Variants in INPP4B observed in about 807,000 individuals in gnomAD.
INPP4B encodes the protein inositol polyphosphate 4-phosphatase type II.
A neutral mutation model predicts 122.5 loss-of-function variants in INPP4B; 55 were observed. The ratio of observed to expected loss-of-function variants is 0.45; its 90% CI spans 0.36 to 0.56. The LOEUF (loss-of-function observed/expected upper bound fraction) is 0.56, where lower values mean the gene tolerates loss of function less well. Ranked by LOEUF, INPP4B falls within the 20% of genes least tolerant of loss-of-function variation. INPP4B has a pLI of 0.00. For missense variants in INPP4B, 1,000 were observed against 1,097.7 expected (o/e 0.91, Z 1.26); for synonymous variants, 403 against 388.7 (o/e 1.04, Z -0.43).
chr4:142,175,799 A>T (rs1827872733), intron 15 of INPP4B, among the ~76,000 whole-genome samples: 1 of 152,154 alleles, frequency 6.6e-6, no homozygotes, highest in South Asian at 2.1e-4. Context: ...AGACTTTAAT[A>T]AATCAAACAG....
chr4:142,663,974 A>T (rs1755626699), intron 2 of INPP4B, among the ~76,000 whole-genome samples: 3 of 152,358 alleles, frequency 2.0e-5, no homozygotes, highest in African/African-American at 7.2e-5. Context: ...GATGACTAAG[A>T]AATGAAATGT....
At chr4:142,324,440 A>G (rs1266223069) in intron 7 of INPP4B, among the ~76,000 whole-genome samples, 2 of 152,084 alleles carry the variant, frequency 1.3e-5, no homozygotes, top group Non-Finnish European at 2.9e-5. Flanking sequence ...TACTTCTTTA[A>G]CATTATACCT....
At chr4:142,699,025 T>C (rs1264743328) in intron 2 of INPP4B, among the ~76,000 whole-genome samples, 1 of 152,162 alleles carries the variant, frequency 6.6e-6, no homozygotes, top group East Asian at 1.9e-4. Context: ...TTGATTCACT[T>C]GACCCTCAGA....
At chr4:142,074,967 A>C (rs185326271) in intron 25 of INPP4B, among the ~76,000 whole-genome samples, 114 of 152,102 alleles carry the variant, frequency 7.5e-4, no homozygotes, top group African/African-American at 2.6e-3. Flanking sequence ...CCTCCTGGCC[A>C]CAGTGATTCT....
chr4:142,544,854 A>G (rs1327101599), intron 2 of INPP4B, among the ~76,000 whole-genome samples: 1 of 152,160 alleles, frequency 6.6e-6, no homozygotes, highest in Non-Finnish European at 1.5e-5. Context: ...GTAGAAAGTG[A>G]CCTTAGAACT....
At chr4:142,078,648 T>C (rs336380) in intron 25 of INPP4B, among the ~76,000 whole-genome samples, 135,943 of 151,918 alleles carry the variant, frequency 0.89, 62,171 homozygotes, top group Non-Finnish European at 0.98. Flanking sequence ...ATTTATATAC[T>C]TTTGCTCATC....
At chr4:142,595,071 G>A (rs769176829) in intron 2 of INPP4B, among the ~76,000 whole-genome samples, 59 of 150,578 alleles carry the variant, frequency 3.9e-4, no homozygotes, top group Non-Finnish European at 6.4e-4. Context: ...CCATTGTTTC[G>A]GTTATTGTCA....
chr4:142,605,204 A>G (rs1022783254), intron 2 of INPP4B, among the ~76,000 whole-genome samples: 6 of 152,106 alleles, frequency 3.9e-5, no homozygotes, highest in Admixed American at 6.6e-5. Flanking sequence ...CTGAATAACC[A>G]TATGCAGAAA....
chr4:142,189,111 A>G (rs926868218), intron 15 of INPP4B, among the ~76,000 whole-genome samples: 4 of 152,176 alleles, frequency 2.6e-5, no homozygotes, highest in Non-Finnish European at 4.4e-5. Context: ...TCCTTACAGT[A>G]GTAAGAAAAC....
At chr4:142,105,277 C>G (rs1786437297) in intron 23 of INPP4B, among the ~76,000 whole-genome samples, 1 of 152,102 alleles carries the variant, frequency 6.6e-6, no homozygotes, top group Admixed American at 6.6e-5. Flanking sequence ...AGCACTAGAC[C>G]ATGCTAAACA....
chr4:142,167,671 T>C (rs527254436), intron 16 of INPP4B, among the ~76,000 whole-genome samples: 93 of 151,894 alleles, frequency 6.1e-4, no homozygotes, highest in African/African-American at 2.2e-3. Context: ...CACTGAACTT[T>C]ATGCCTTTGC....
At chr4:142,063,628 A>G (rs529058034) in intron 25 of INPP4B, among the ~76,000 whole-genome samples, 4 of 152,316 alleles carry the variant, frequency 2.6e-5, no homozygotes, top group South Asian at 4.1e-4. Context: ...ATTGAGCTCA[A>G]AATTTTAAAA....
intron 11 of INPP4B, among the ~76,000 whole-genome samples, chr4:142,247,285 G>C (rs1310840988): frequency 6.6e-6 from 1 of 152,050 alleles, no homozygotes; most frequent in Non-Finnish European, 1.5e-5. Context: ...CCAGGTTTTT[G>C]TATCAGGATG....
chr4:142,622,842 G>T (rs369580995), intron 2 of INPP4B, among the ~76,000 whole-genome samples: 1 of 151,892 alleles, frequency 6.6e-6, no homozygotes, highest in Admixed American at 6.6e-5. Flanking sequence ...TTGGAACAGC[G>T]TTATTGAGAT....
At chr4:142,109,929 T>C (rs77872070) in intron 22 of INPP4B, among the ~76,000 whole-genome samples, 1 of 152,046 alleles carries the variant, frequency 6.6e-6, no homozygotes, top group Non-Finnish European at 1.5e-5. Flanking sequence ...CTATACTGAG[T>C]TGAACTTGGA....
rs539504734 is a variant in INPP4B at position 142,069,125 on chromosome 4, A to T, written c.2642+12906T>A. Among the ~76,000 whole-genome samples, 4 of 152,320 alleles carry T rather than the reference A, an allele frequency of 2.6e-5. No individual in the cohort carries two copies. The South Asian group carries it at 8.3e-4, about 32-fold the overall frequency. On this transcript the variant is annotated intron_variant, in intron 25 of 25. Transcript: ENST00000262992. ...AATGTAAAAGAACAGAAATTATAAC[A>T]AACTGTCTCTCAGACCACAGTGCAA...
At chr4:142,352,077 G>C (rs370600354) in intron 7 of INPP4B, among the ~76,000 whole-genome samples, 11 of 152,054 alleles carry the variant, frequency 7.2e-5, no homozygotes, top group African/African-American at 2.6e-4. Flanking sequence ...GGGGTGTTCA[G>C]TAAAATTTTC....
chr4:142,447,835 G>T (rs1428813992), intron 3 of INPP4B, among the ~76,000 whole-genome samples: 1 of 152,092 alleles, frequency 6.6e-6, no homozygotes, highest in African/African-American at 2.4e-5. Flanking sequence ...CTGATGTGTG[G>T]CCTGCCTACA....
chr4:142,622,280 G>C (rs963903471), intron 2 of INPP4B, among the ~76,000 whole-genome samples: 6 of 151,548 alleles, frequency 4.0e-5, no homozygotes, highest in African/African-American at 1.2e-4. Flanking sequence ...GATAAAGTCA[G>C]GGGTTTCTTT....
Sources: gnomAD v4.1 joint callset for allele counts (sites outside exome capture counted in the v4.1 genomes callset) on GRCh38, gnomAD v4.1.1 for gene constraint, MANE v1.5 for transcripts, NCBI Gene and HGNC (gene_info 2026-07-23, HGNC 2026-07-21) for gene names.